Variants in DMD observed in about 807,000 individuals in gnomAD.
DMD encodes the protein mutant dystrophin.
In DMD, 63 loss-of-function variants were observed where a neutral mutation model predicts 330.1. The ratio of observed to expected loss-of-function variants is 0.19; its 90% CI spans 0.16 to 0.24. DMD has a LOEUF of 0.24. Among genes scored for constraint, DMD ranks in the 10% least tolerant of loss-of-function variants. DMD has a pLI of 1.00. For missense variants in DMD, 3,344 were observed against 2,684.1 expected, an observed-to-expected ratio of 1.25 and a Z score of -5.43; for synonymous variants, 1,223 against 959.8, an observed-to-expected ratio of 1.27 and a Z score of -5.07.
intron 42 of DMD, among the ~76,000 whole-genome samples, chrX:32,300,343 C>A (rs2097517712): frequency 9.0e-6 from 1 of 111,589 alleles, no homozygotes; most frequent in Admixed American, 9.6e-5. Context: ...GAATAGAAGT[C>A]CACATGCATT....
At chrX:32,235,965 GAAT>G (rs1233163251) in intron 43 of DMD, among the ~76,000 whole-genome samples, 1 of 111,432 alleles carries the variant, frequency 9.0e-6, no homozygotes, top group Non-Finnish European at 1.9e-5. Flanking sequence ...TCAGGATGAA[GAAT>G]AATTTTTCTC....
intron 18 of DMD, among the ~76,000 whole-genome samples, chrX:32,503,652 T>C (rs1262788020): frequency 9.1e-6 from 1 of 110,120 alleles, no homozygotes; most frequent in Non-Finnish European, 1.9e-5. Context: ...GCCTCCCGGG[T>C]TCAAGCAACT....
intron 51 of DMD, among the ~76,000 whole-genome samples, chrX:31,751,302 C>A (rs1183516464): frequency 1.8e-5 from 2 of 111,378 alleles, no homozygotes; most frequent in Non-Finnish European, 1.9e-5. Context: ...CTAGCCCTGT[C>A]CACATGTCAT....
chrX:32,301,032 A>T lies in DMD; in HGVS notation c.6117+9050T>A, dbSNP rs76556225. Among the ~76,000 whole-genome samples the T allele has an allele frequency of 5.2e-4, 58 of 110,495 alleles. No individual in the cohort carries two copies. In the East Asian group the frequency reaches 0.014, roughly 26 times the overall value. ...GATAAAATATAATCAAACCTGCAAA[A>T]ATTAATATTGATGACAGTAAACTAT... On this transcript the variant is annotated intron_variant, in intron 42 of 78. Coordinates refer to ENST00000357033, the MANE Select transcript of DMD (RefSeq NM_004006.3).
chrX:32,682,357 A>G (rs2062490361), intron 9 of DMD, among the ~76,000 whole-genome samples: 1 of 111,669 alleles, frequency 9.0e-6, no homozygotes, highest in East Asian at 2.8e-4. Context: ...GTAAGTGAAC[A>G]TATTAATAAG....
intron 67 of DMD, among the ~76,000 whole-genome samples, chrX:31,191,382 G>A (rs1289620015): frequency 8.9e-6 from 1 of 111,850 alleles, no homozygotes; most frequent in Non-Finnish European, 1.9e-5. Flanking sequence ...TTTTTAAAAA[G>A]GGTAATCTCT....
At chrX:32,437,449 C>T (rs1349837303) in intron 29 of DMD, among the ~76,000 whole-genome samples, 1 of 106,837 alleles carries the variant, frequency 9.4e-6, no homozygotes, top group Non-Finnish European at 1.9e-5. Context: ...TTCATGCATA[C>T]TACCCTAGTT....
intron 51 of DMD, among the ~76,000 whole-genome samples, chrX:31,757,769 G>A (rs1361946923): frequency 9.1e-6 from 1 of 110,357 alleles, no homozygotes; most frequent in Non-Finnish European, 1.9e-5. Flanking sequence ...ACATTTTGGA[G>A]GGACAAAAAC....
intron 43 of DMD, among the ~76,000 whole-genome samples, chrX:32,254,073 G>A (rs1318157605): frequency 3.6e-5 from 4 of 111,210 alleles, no homozygotes; most frequent in African/African-American, 1.3e-4. Context: ...ACAGAGTCTT[G>A]CTCTGTTGCC....
intron 41 of DMD, among the ~76,000 whole-genome samples, chrX:32,334,798 A>G (rs1283926264): frequency 2.7e-5 from 3 of 112,125 alleles, no homozygotes; most frequent in African/African-American, 9.7e-5. Context: ...ACCCCTTCAT[A>G]GAAAGTCATA....
chrX:33,107,727 G>C (rs1044506500), intron 1 of DMD, among the ~76,000 whole-genome samples: 1 of 111,666 alleles, frequency 9.0e-6, no homozygotes, highest in Non-Finnish European at 1.9e-5. Flanking sequence ...GTGGAGGACA[G>C]TCAAGTTCCT....
intron 74 of DMD, among the ~76,000 whole-genome samples, chrX:31,161,864 T>C (rs1012507287): frequency 2.7e-5 from 3 of 111,359 alleles, no homozygotes; most frequent in Non-Finnish European, 3.8e-5. Context: ...CAAAGTCCTT[T>C]AAACAGTAGT....
At chrX:31,944,730 G>C (rs1322727869) in intron 45 of DMD, among the ~76,000 whole-genome samples, 1 of 102,077 alleles carries the variant, frequency 9.8e-6, no homozygotes, top group African/African-American at 3.6e-5. Context: ...GGATGGTCTC[G>C]ATCTCTTGAC....
chrX:31,898,471 T>A (rs1173139193), intron 47 of DMD, among the ~76,000 whole-genome samples: 1 of 110,883 alleles, frequency 9.0e-6, no homozygotes, highest in East Asian at 2.8e-4. Context: ...GCCGCATATC[T>A]ACAACTATCT....
chrX:31,584,423 A>C (rs991816220), intron 55 of DMD, among the ~76,000 whole-genome samples: 6 of 111,461 alleles, frequency 5.4e-5, no homozygotes, highest in African/African-American at 2.0e-4. Context: ...AAAGATCTAG[A>C]ACCAGAAATA....
At position 32,515,577 on chromosome X, in the gene DMD, G is replaced by A. The variant is rs189332557; in HGVS notation, c.2292+2431C>T. On this transcript the variant is annotated intron_variant, in intron 18 of 78. Transcript: ENST00000357033. Reference sequence around the variant, plus strand: ...TTTGTTTGTTTCATTACCAATTTGCGTTACCATGTGCTCACGGAAAAAATT... The same window carrying A: ...TTTGTTTGTTTCATTACCAATTTGCATTACCATGTGCTCACGGAAAAAATT... 2.0e-3 allele frequency among the ~76,000 whole-genome samples: 220 copies of A among 111,276 alleles called. 3 individuals are homozygous for A. The highest frequency in any genetic ancestry group is 6.2e-3 in the African/African-American group (190 of 30,639).
chrX:32,704,117 C>A (rs917094785), intron 7 of DMD, among the ~76,000 whole-genome samples: 2 of 111,619 alleles, frequency 1.8e-5, no homozygotes, highest in African/African-American at 6.5e-5. Flanking sequence ...ACAAATAAAT[C>A]ATTTAGCGAA....
At chrX:31,908,602 G>T (rs969499474) in intron 47 of DMD, among the ~76,000 whole-genome samples, 1 of 110,116 alleles carries the variant, frequency 9.1e-6, no homozygotes, top group Non-Finnish European at 1.9e-5. Flanking sequence ...AGCATTAGGA[G>T]AAATAGCTAA....
At chrX:32,627,938 T>C (rs1369180734) in intron 11 of DMD, among the ~76,000 whole-genome samples, 1 of 110,788 alleles carries the variant, frequency 9.0e-6, no homozygotes, top group Admixed American at 9.7e-5. Context: ...TGTTTATATT[T>C]ATGGGATACA....
Sources: gnomAD v4.1 joint callset for allele counts (sites outside exome capture counted in the v4.1 genomes callset) on GRCh38, gnomAD v4.1.1 for gene constraint, MANE v1.5 for transcripts, NCBI Gene and HGNC (gene_info 2026-07-23, HGNC 2026-07-21) for gene names.